GPHN: variants seen among roughly 807,000 people sequenced by gnomAD.
GPHN encodes the protein gephyrin.
Under a neutral mutation model 95.5 loss-of-function variants are expected in GPHN, and 17 were observed. The ratio of observed to expected loss-of-function variants is 0.18; its 90% CI spans 0.12 to 0.27. The LOEUF is 0.27. Ranked by LOEUF, GPHN falls within the 10% of genes least tolerant of loss-of-function variation. GPHN has a pLI of 1.00. For missense variants in GPHN, 660 were observed against 978.1 expected, an observed-to-expected ratio of 0.67 and a Z score of 4.34; for synonymous variants, 320 against 322.5, an observed-to-expected ratio of 0.99 and a Z score of 0.08.
At chr14:66,973,674 G>A (rs776068582) in intron 9 of GPHN, among the ~76,000 whole-genome samples, 4 of 152,262 alleles carry the variant, frequency 2.6e-5, no homozygotes, top group Admixed American at 6.5e-5. Flanking sequence ...CAGGAGAATC[G>A]CTTGAACCCG....
intron 1 of GPHN, among the ~76,000 whole-genome samples, chr14:66,523,096 C>T (rs561218141): frequency 6.0e-4 from 91 of 152,004 alleles, no homozygotes; most frequent in Middle Eastern, 3.4e-3. Flanking sequence ...CTATTAGTGA[C>T]GGCAAAATTA....
In GPHN at chr14:66,826,890, CATA is replaced by C. The variant is rs1004194441; in HGVS notation, c.294+2329_294+2331del. On this transcript the variant is annotated intron_variant, in intron 4 of 22. Transcript: ENST00000478722. ...GAGTGGAACTGAAAATTCCAATGCT[CATA>C]ATAACTTAGTCTTTCCAATGACCAG... 8.5e-5 allele frequency among the ~76,000 whole-genome samples: 13 copies of C among 152,220 alleles called. No individual in the cohort carries two copies. The South Asian group carries it at 2.3e-3, about 27-fold the overall frequency.
chr14:66,867,133 A>G (rs1356652150), intron 4 of GPHN, among the ~76,000 whole-genome samples: 2 of 152,178 alleles, frequency 1.3e-5, no homozygotes, highest in Admixed American at 1.3e-4. Context: ...ATTGAAGAAG[A>G]TGTAAATATT....
intron 8 of GPHN, among the ~76,000 whole-genome samples, chr14:66,937,398 T>TG (rs569962822): frequency 0.012 from 1,815 of 152,188 alleles, 19 homozygotes; most frequent in Non-Finnish European, 0.018. Flanking sequence ...TTTTTTTTTT[T>TG]TGAGACTGAG....
chr14:67,023,140 T>C (rs1357247745), intron 9 of GPHN, among the ~76,000 whole-genome samples: 1 of 152,046 alleles, frequency 6.6e-6, no homozygotes, highest in Non-Finnish European at 1.5e-5. Flanking sequence ...AAGTAACAGG[T>C]TATCAGAATC....
At chr14:67,027,644 A>T (rs571100639) in intron 10 of GPHN, among the ~76,000 whole-genome samples, 2 of 152,108 alleles carry the variant, frequency 1.3e-5, no homozygotes, top group Non-Finnish European at 2.9e-5. Flanking sequence ...TGTTTTCTTG[A>T]TGTACTTTGT....
chr14:67,015,068 A>C (rs1200273792), intron 9 of GPHN, among the ~76,000 whole-genome samples: 1 of 152,224 alleles, frequency 6.6e-6, no homozygotes, highest in Admixed American at 6.5e-5. Context: ...TGTGTTCTAC[A>C]TATTATAGTA....
rs184641786 is a variant in GPHN at position 66,750,799 on chromosome 14, A to G, written c.144-25665A>G. On this transcript the variant is annotated intron_variant, in intron 2 of 22. Transcript: ENST00000478722. ...TTCATTACTTTGCTACTTCTGACTT[A>G]CTGCCACATATTACTATTACTCCTA... Among the ~76,000 whole-genome samples, 33 of 152,116 alleles carry G rather than the reference A, an allele frequency of 2.2e-4. 1 individual carries two copies. Among genetic ancestry groups the G allele is most frequent in the Non-Finnish European group, 4.1e-4 (28 of 67,894 alleles).
At chr14:66,947,711 C>A (rs1052760533) in intron 8 of GPHN, among the ~76,000 whole-genome samples, 1 of 152,114 alleles carries the variant, frequency 6.6e-6, no homozygotes, top group Admixed American at 6.6e-5. Context: ...TAATCTCAGC[C>A]ACTCGGGAGG....
the GPHN span, among the ~76,000 whole-genome samples, chr14:67,687,609 C>T: frequency 2.7e-5 from 4 of 150,694 alleles, no homozygotes; most frequent in Admixed American, 1.3e-4. Flanking sequence ...GCAGCTGGGA[C>T]TACAGGCACA....
At chr14:67,315,421 T>TG in the GPHN span, among the ~76,000 whole-genome samples, 1 of 151,686 alleles carries the variant, frequency 6.6e-6, no homozygotes, top group African/African-American at 2.4e-5. Context: ...GGACTACAGG[T>TG]GCCCACCACC....
chr14:67,609,996 G>A, the GPHN span, among the ~76,000 whole-genome samples: 395 of 152,280 alleles, frequency 2.6e-3, 1 homozygote, highest in African/African-American at 9.2e-3. Context: ...TGAAGGGAAT[G>A]AGAGGAGGAG....
intron 1 of GPHN, 129 bp from the exon 2 acceptor site, chr14:66,680,978 T>C (rs1003773147): frequency 1.6e-6 from 1 of 640,834 alleles, no homozygotes; most frequent in Non-Finnish European, 2.7e-6. Context: ...AATAAATCAA[T>C]AGTAATGTTT....
At chr14:66,596,092 C>T (rs992196565) in intron 1 of GPHN, among the ~76,000 whole-genome samples, 1 of 151,702 alleles carries the variant, frequency 6.6e-6, no homozygotes, top group African/African-American at 2.4e-5. Flanking sequence ...CAGGTTGTCC[C>T]ATCATCTGCT....
At chr14:67,531,527 C>T in the GPHN span, among the ~76,000 whole-genome samples, 2 of 151,946 alleles carry the variant, frequency 1.3e-5, no homozygotes, top group Non-Finnish European at 2.9e-5. Flanking sequence ...CTCTTCTGCC[C>T]TCTACAGAAG....
chr14:67,526,471 G>T, the GPHN span, among the ~76,000 whole-genome samples: 1 of 152,246 alleles, frequency 6.6e-6, no homozygotes, highest in Non-Finnish European at 1.5e-5. Flanking sequence ...GGTGCCAGAT[G>T]CATGGAACTA....
intron 1 of GPHN, among the ~76,000 whole-genome samples, chr14:66,615,743 G>C (rs2062986610): frequency 6.6e-6 from 1 of 151,596 alleles, no homozygotes; most frequent in Non-Finnish European, 1.5e-5. Context: ...TGTCAATTTT[G>C]ATTTTTGTTG....
the GPHN span, chr14:67,271,122 A>G: frequency 1.3e-5 from 2 of 152,348 alleles, no homozygotes; most frequent in South Asian, 2.1e-4. Context: ...GTTTGCTCAT[A>G]TACTTAATTA....
At chr14:66,794,896 A>G (rs2060102431) in intron 3 of GPHN, among the ~76,000 whole-genome samples, 1 of 152,098 alleles carries the variant, frequency 6.6e-6, no homozygotes. Flanking sequence ...AAAATATCTA[A>G]CCACTTTTTA....
Sources: allele counts gnomAD v4.1 joint callset (sites outside exome capture counted in the v4.1 genomes callset), GRCh38; gene constraint gnomAD v4.1.1; transcripts MANE v1.5; gene names NCBI Gene and HGNC (gene_info 2026-07-23, HGNC 2026-07-21).